STAG1: variants seen among roughly 807,000 people sequenced by gnomAD.
The protein encoded by STAG1 is STAG1 cohesin complex component.
A neutral mutation model predicts 170.9 loss-of-function variants in STAG1; 26 were observed. That is an observed-to-expected ratio of 0.15 (90% CI 0.11 to 0.21). The LOEUF is 0.21. Among genes scored for constraint, STAG1 ranks in the 10% least tolerant of loss-of-function variants. STAG1 has a pLI of 1.00. For missense variants in STAG1, 964 were observed against 1,509.5 expected (o/e 0.64, Z 5.99); for synonymous variants, 514 against 497.7 (o/e 1.03, Z -0.44).
rs1314382899 is a variant in STAG1, at chr3:136,604,227, A to C, written c.297+82T>G. On this transcript the variant is annotated intron_variant, in intron 4 of 33. Coordinates refer to ENST00000383202, the MANE Select transcript of STAG1 (RefSeq NM_005862.3). ...TTACATAATCAACAGAAGTATATAA[A>C]GTGCCAATATACACACTAACTGATT... 47 of 1,233,588 alleles carry C rather than the reference A, an allele frequency of 3.8e-5. No individual in the cohort carries two copies. In the East Asian group the frequency reaches 1.1e-3, roughly 30 times the overall value. The allele number at this position is 1,233,588 out of a possible 1,614,324, so 76.4% of individuals were successfully genotyped here. A position where few individuals can be genotyped will look rare whatever the true frequency, so the allele number is the denominator to read the frequency against.
At chr3:136,393,719 C>A in intron 22 of STAG1, among the ~76,000 whole-genome samples, 1 of 151,614 alleles carries the variant, frequency 6.6e-6, no homozygotes, top group Middle Eastern at 3.2e-3. Context: ...CCTCAGACTC[C>A]CGAGTAGCTA....
At chr3:136,462,296 G>A (rs2089297252) in intron 13 of STAG1, among the ~76,000 whole-genome samples, 1 of 152,132 alleles carries the variant, frequency 6.6e-6, no homozygotes. Context: ...CAACCTAAGT[G>A]TTCACCAGCG....
At chr3:136,615,594 C>T (rs993640740) in intron 3 of STAG1, among the ~76,000 whole-genome samples, 2 of 151,420 alleles carry the variant, frequency 1.3e-5, no homozygotes, top group Admixed American at 6.6e-5. Context: ...CTGGCTAACA[C>T]GGTGAAACCC....
At chr3:136,633,241 T>A (rs1396987728) in intron 1 of STAG1, among the ~76,000 whole-genome samples, 1 of 140,226 alleles carries the variant, frequency 7.1e-6, no homozygotes, top group Non-Finnish European at 1.5e-5. Context: ...AAAAATGTGA[T>A]CATTGAAGTA....
At chr3:136,406,230 A>G (rs2087480523) in intron 21 of STAG1, among the ~76,000 whole-genome samples, 1 of 152,226 alleles carries the variant, frequency 6.6e-6, no homozygotes. Flanking sequence ...ACTTTGACTC[A>G]CACAACTTGA....
Position 136,503,058 on chromosome 3 carries a change from C to A in STAG1, c.677-279G>T, listed in dbSNP as rs1933565085. On this transcript the variant is annotated intron_variant, in intron 7 of 33. Coordinates refer to ENST00000383202, the MANE Select transcript of STAG1 (RefSeq NM_005862.3). The stretch of plus-strand genomic sequence containing the variant: ...AGGATTTCAGTTCTATCTTCAACAA[C>A]TCCTTTCTCCTACTCCTAAAAATAC... 3.3e-5 allele frequency among the ~76,000 whole-genome samples: 5 copies of A among 151,856 alleles called. No individual in the cohort carries two copies. In the South Asian group the frequency reaches 1.0e-3, roughly 31 times the overall value.
At chr3:136,461,642 T>C (rs1004297448) in intron 13 of STAG1, among the ~76,000 whole-genome samples, 1 of 148,872 alleles carries the variant, frequency 6.7e-6, no homozygotes, top group Admixed American at 6.7e-5. Context: ...AGAATATTAG[T>C]CTGGGTAGAG....
intron 3 of STAG1, among the ~76,000 whole-genome samples, chr3:136,612,442 C>CA (rs112493630): frequency 5.4e-5 from 8 of 148,366 alleles, no homozygotes; most frequent in African/African-American, 1.7e-4. Context: ...TCCTTCTCTA[C>CA]AAAAAAATAA....
At chr3:136,465,197 T>C (rs2089416866) in intron 12 of STAG1, among the ~76,000 whole-genome samples, 1 of 148,928 alleles carries the variant, frequency 6.7e-6, no homozygotes, top group South Asian at 2.1e-4. Context: ...GAGAAGAAAA[T>C]AAAATGCTCA....
At chr3:136,521,894 T>A (rs1308786560) in intron 6 of STAG1, among the ~76,000 whole-genome samples, 2 of 152,198 alleles carry the variant, frequency 1.3e-5, no homozygotes, top group Non-Finnish European at 2.9e-5. Context: ...GCAAAAATAA[T>A]CTTACACATC....
intron 32 of STAG1, among the ~76,000 whole-genome samples, chr3:136,339,066 G>C (rs1445503675): frequency 1.3e-5 from 2 of 152,106 alleles, no homozygotes; most frequent in Non-Finnish European, 2.9e-5. Flanking sequence ...GGTAAAATGA[G>C]GTCATATGGG....
chr3:136,468,384 C>T (rs12491876), intron 12 of STAG1, among the ~76,000 whole-genome samples: 11 of 152,186 alleles, frequency 7.2e-5, no homozygotes, highest in East Asian at 3.9e-4. Flanking sequence ...AACACCTCTA[C>T]GCAAATAAAC....
intron 28 of STAG1, among the ~76,000 whole-genome samples, chr3:136,353,097 CAGT>C (rs1936497751): frequency 6.6e-6 from 1 of 152,018 alleles, no homozygotes; most frequent in South Asian, 2.1e-4. Flanking sequence ...AGTGGCTTGA[CAGT>C]AGATTTGAGC....
intron 1 of STAG1, among the ~76,000 whole-genome samples, chr3:136,697,428 A>C (rs1942930831): frequency 6.6e-6 from 1 of 152,160 alleles, no homozygotes; most frequent in African/African-American, 2.4e-5. Flanking sequence ...GGTGATTCTA[A>C]AACAGTTTAA....
At chr3:136,735,760 T>C (rs112537839) in intron 1 of STAG1, among the ~76,000 whole-genome samples, 177 of 152,150 alleles carry the variant, frequency 1.2e-3, no homozygotes, top group African/African-American at 2.5e-3. Context: ...TTATAGGGGT[T>C]CGCCACCACG....
chr3:136,649,925 G>C (rs924499535), intron 1 of STAG1, among the ~76,000 whole-genome samples: 1 of 151,952 alleles, frequency 6.6e-6, no homozygotes, highest in East Asian at 2.0e-4. Context: ...ATGCCACCAA[G>C]CCTGGCTAAT....
chr3:136,580,019 G>A (rs1455578406), intron 4 of STAG1, among the ~76,000 whole-genome samples: 1 of 129,860 alleles, frequency 7.7e-6, no homozygotes, highest in Non-Finnish European at 1.6e-5. Context: ...CCAGGCTGGA[G>A]TCCAGTGGTG....
At position 136,521,301 on chromosome 3, in the gene STAG1, A is replaced by G. The variant is rs1428602995; in HGVS notation, c.588T>C (p.Asp196=). The part of the protein sequence containing the change: ...IRQCQYSIIY[D]EYMMDTVISL... ...AGATTACTGTGTCCATCATATACTC[A>G]TCATAAATTATGCTATACTGACACT... The change falls in exon 7 of 34, where the codon GAT becomes GAC. Residue 196 remains aspartate (D), a synonymous_variant. Coordinates refer to ENST00000383202, the MANE Select transcript of STAG1 (RefSeq NM_005862.3). 1 of 1,613,836 alleles carries G rather than the reference A, an allele frequency of 6.2e-7. No individual in the cohort carries two copies. Among genetic ancestry groups the G allele is most frequent in the East Asian group, 2.2e-5 (1 of 44,862 alleles).
chr3:136,499,469 A>G (rs562612823), intron 9 of STAG1, among the ~76,000 whole-genome samples: 1 of 152,282 alleles, frequency 6.6e-6, no homozygotes. Context: ...ACCGCTCTAT[A>G]TTAATTAGCC....
Sources: allele counts gnomAD v4.1 joint callset (sites outside exome capture counted in the v4.1 genomes callset), GRCh38; gene constraint gnomAD v4.1.1; transcripts MANE v1.5; gene names NCBI Gene and HGNC (gene_info 2026-07-23, HGNC 2026-07-21).